The following LMBR1 variants were observed in gnomAD, a reference collection of about 807,000 sequenced individuals.
LMBR1 encodes the protein limb region 1 protein homolog.
A neutral mutation model predicts 73.9 loss-of-function variants in LMBR1; 52 were observed. The ratio of observed to expected loss-of-function variants is 0.70; its 90% CI spans 0.56 to 0.89. LMBR1 has a LOEUF of 0.89. LMBR1 is among the 40% of genes least tolerant of loss of function. The pLI is 0.00. For synonymous variants in LMBR1, 215 were observed against 209.4 expected (o/e 1.03, Z -0.23); for missense variants, 539 against 579.8 (o/e 0.93, Z 0.72).
At chr7:156,763,640 GA>G in intron 6 of LMBR1, 28 bp downstream of exon 6, 1 of 1,542,720 alleles carries the variant, frequency 6.5e-7, no homozygotes, top group Non-Finnish European at 8.6e-7. Context: ...TTCCAGTAAG[GA>G]AACTGGTTAA....
intron 5 of LMBR1, among the ~76,000 whole-genome samples, chr7:156,786,590 T>G (rs572175102): frequency 4.6e-5 from 7 of 152,094 alleles, no homozygotes; most frequent in Non-Finnish European, 1.0e-4. Context: ...CATCCCAACT[T>G]TGAAGGAATG....
chr7:156,699,996 G>A (rs1809281560), intron 15 of LMBR1, among the ~76,000 whole-genome samples: 1 of 152,128 alleles, frequency 6.6e-6, no homozygotes, highest in South Asian at 2.1e-4. Context: ...GATTCCTCAG[G>A]GATCTAGAAC....
chr7:156,736,063 C>T (rs956350074), intron 9 of LMBR1, among the ~76,000 whole-genome samples: 3 of 152,078 alleles, frequency 2.0e-5, no homozygotes, highest in East Asian at 1.9e-4. Context: ...GACTCAGTCC[C>T]GAGTACTCCC....
At chr7:156,829,893 C>G (rs1836369487) in intron 3 of LMBR1, among the ~76,000 whole-genome samples, 1 of 152,158 alleles carries the variant, frequency 6.6e-6, no homozygotes, top group Admixed American at 6.5e-5. Context: ...AGCTGCTGAC[C>G]GGCCAAAAAT....
downstream of LMBR1, chr7:156,676,459 C>T (rs775998615): frequency 6.4e-5 from 104 of 1,613,964 alleles, no homozygotes; most frequent in Non-Finnish European, 8.6e-5. Flanking sequence ...ATCTGCCTGG[C>T]CCCTCTCTCC....
chr7:156,839,634 G>C (rs1004253966), intron 1 of LMBR1, among the ~76,000 whole-genome samples: 3 of 152,156 alleles, frequency 2.0e-5, no homozygotes, highest in East Asian at 1.9e-4. Context: ...CTTTGGACCA[G>C]GATAGTGGAC....
intron 10 of LMBR1, among the ~76,000 whole-genome samples, chr7:156,729,085 C>A (rs1435814429): frequency 6.6e-6 from 1 of 152,094 alleles, no homozygotes; most frequent in Non-Finnish European, 1.5e-5. Context: ...CTCAAACGAT[C>A]CTCCCCGCTC....
At chr7:156,687,339 AC>A (rs1264744112) in intron 16 of LMBR1, among the ~76,000 whole-genome samples, 1 of 151,988 alleles carries the variant, frequency 6.6e-6, no homozygotes, top group Non-Finnish European at 1.5e-5. Context: ...ACCCCCTCCC[AC>A]CCCAAACCAA....
intron 4 of LMBR1, among the ~76,000 whole-genome samples, chr7:156,799,151 G>A (rs929375293): frequency 2.6e-5 from 4 of 151,066 alleles, no homozygotes; most frequent in Non-Finnish European, 4.4e-5. Context: ...GCAGTGAGCC[G>A]AGATTGCACC....
chr7:156,724,519 A>G (rs1815295007), intron 14 of LMBR1, among the ~76,000 whole-genome samples: 1 of 152,120 alleles, frequency 6.6e-6, no homozygotes, highest in African/African-American at 2.4e-5. Context: ...AACATATTGG[A>G]TACTTCTGAC....
intron 9 of LMBR1, among the ~76,000 whole-genome samples, chr7:156,754,272 A>G (rs1383363611): frequency 6.6e-6 from 1 of 152,228 alleles, no homozygotes; most frequent in Non-Finnish European, 1.5e-5. Flanking sequence ...GCATTCCAAA[A>G]CAAACTGATA....
intron 1 of LMBR1, among the ~76,000 whole-genome samples, chr7:156,871,675 A>T (rs912855473): frequency 1.3e-5 from 2 of 152,246 alleles, no homozygotes; most frequent in African/African-American, 4.8e-5. Context: ...CCACAATAAC[A>T]AAATAAAAAG....
chr7:156,850,768 T>C (rs959287767), intron 1 of LMBR1, among the ~76,000 whole-genome samples: 1 of 152,218 alleles, frequency 6.6e-6, no homozygotes, highest in African/African-American at 2.4e-5. Context: ...TTTTCTATTG[T>C]TTGTAATTGC....
intron 1 of LMBR1, among the ~76,000 whole-genome samples, chr7:156,891,233 TAC>T (rs68193998): frequency 0.031 from 2,145 of 68,522 alleles, 29 homozygotes; most frequent in African/African-American, 0.063. Flanking sequence ...TATATATATA[TAC>T]ACACACACAC....
chr7:156,747,749 A>G (rs1301165531), intron 9 of LMBR1, among the ~76,000 whole-genome samples: 1 of 152,228 alleles, frequency 6.6e-6, no homozygotes, highest in Non-Finnish European at 1.5e-5. Flanking sequence ...AAATTTGATT[A>G]TACTTATTAC....
Position 156,680,678 on chromosome 7 carries a change from G to C in LMBR1, c.*3400C>G, listed in dbSNP as rs73163987. Reference sequence around the variant, plus strand: ...GCTACATTGTGGGTTATAAGAAATTGATCTACCAATAACTGCACAACAGAG... The same window carrying C: ...GCTACATTGTGGGTTATAAGAAATTCATCTACCAATAACTGCACAACAGAG... On this transcript the variant is annotated 3_prime_UTR_variant, in exon 17 of 17. Transcript: ENST00000353442. 5.6e-3 allele frequency: 871 copies of C among 154,372 alleles called. 4 individuals carry two copies. The highest frequency in any genetic ancestry group is 8.9e-3 in the Non-Finnish European group (622 of 69,598). The allele number at this position is 154,372 out of a possible 1,614,324, so 9.6% of individuals were successfully genotyped here. A position where few individuals can be genotyped will look rare whatever the true frequency, so the allele number is the denominator to read the frequency against.
At chr7:156,866,475 C>A (rs1269281529) in intron 1 of LMBR1, among the ~76,000 whole-genome samples, 2 of 150,814 alleles carry the variant, frequency 1.3e-5, no homozygotes, top group Non-Finnish European at 2.9e-5. Flanking sequence ...CTTGTGAGAG[C>A]GGCTTATCTA....
intron 4 of LMBR1, chr7:156,822,183 TAGAC>T (rs1265615847): frequency 6.6e-6 from 1 of 152,164 alleles, no homozygotes; most frequent in African/African-American, 2.4e-5. Context: ...GGCATAGGAA[TAGAC>T]AGACAAACCA....
At chr7:156,853,905 T>A (rs2134108860) in intron 1 of LMBR1, among the ~76,000 whole-genome samples, 1 of 150,700 alleles carries the variant, frequency 6.6e-6, no homozygotes, top group Non-Finnish European at 1.5e-5. Flanking sequence ...TCCACCCACC[T>A]CAGCCTCCTA....
Sources: allele counts gnomAD v4.1 joint callset (sites outside exome capture counted in the v4.1 genomes callset), GRCh38; gene constraint gnomAD v4.1.1; transcripts MANE v1.5; gene names NCBI Gene and HGNC (gene_info 2026-07-23, HGNC 2026-07-21).